The following TRPC4 variants were observed in gnomAD, a reference collection of about 807,000 sequenced individuals.
TRPC4 encodes transient receptor potential cation channel subfamily C member 4, also known as short transient receptor potential channel 4.
Under a neutral mutation model 99.4 loss-of-function variants are expected in TRPC4, and 49 were observed. The ratio of observed to expected loss-of-function variants is 0.49; its 90% confidence interval spans 0.39 to 0.63. The LOEUF is 0.63. TRPC4 is among the 20% of genes least tolerant of loss of function. TRPC4 has a pLI of 0.00. For synonymous variants in TRPC4, 454 were observed against 425.9 expected (o/e 1.07, Z -0.81); for missense variants, 898 against 1,152.9 (o/e 0.78, Z 3.20).
At chr13:37,767,653 C>G (rs181316586) in intron 2 of TRPC4, among the ~76,000 whole-genome samples, 3 of 151,258 alleles carry the variant, frequency 2.0e-5, no homozygotes, top group African/African-American at 7.3e-5. Context: ...TGGAAGTGAT[C>G]CAAATCAGAA....
At chr13:37,671,331 A>G (rs1952832486) in intron 5 of TRPC4, among the ~76,000 whole-genome samples, 1 of 152,218 alleles carries the variant, frequency 6.6e-6, no homozygotes, top group African/African-American at 2.4e-5. Context: ...TCAGAGTGAC[A>G]TCACAGGCCC....
At chr13:37,697,010 G>C (rs1242802238) in intron 3 of TRPC4, among the ~76,000 whole-genome samples, 1 of 150,220 alleles carries the variant, frequency 6.7e-6, no homozygotes, top group Non-Finnish European at 1.5e-5. Context: ...TCTGCTTCCT[G>C]GTGATACCTC....
At chr13:37,671,537 T>G (rs1370940018) in intron 5 of TRPC4, among the ~76,000 whole-genome samples, 1 of 150,896 alleles carries the variant, frequency 6.6e-6, no homozygotes, top group Admixed American at 6.6e-5. Flanking sequence ...GCAAGTCTAG[T>G]AGACTCATAG....
intron 8 of TRPC4, among the ~76,000 whole-genome samples, chr13:37,642,096 C>T (rs1403904965): frequency 2.0e-5 from 3 of 152,122 alleles, no homozygotes. Flanking sequence ...CGTTAGATGC[C>T]TTCAGCTTTG....
chr13:37,827,429 G>T (rs1321793880), intron 1 of TRPC4, among the ~76,000 whole-genome samples: 1 of 152,104 alleles, frequency 6.6e-6, no homozygotes, highest in Non-Finnish European at 1.5e-5. Context: ...TTTGATGATG[G>T]TGATGTACAG....
intron 1 of TRPC4, among the ~76,000 whole-genome samples, chr13:37,799,298 A>G (rs902013815): frequency 6.6e-6 from 1 of 152,168 alleles, no homozygotes; most frequent in Admixed American, 6.5e-5. Context: ...CTAGCAATGC[A>G]TGTAGAGCCC....
intron 1 of TRPC4, among the ~76,000 whole-genome samples, chr13:37,785,268 GT>G (rs1956939713): frequency 6.6e-6 from 1 of 151,992 alleles, no homozygotes; most frequent in Admixed American, 6.6e-5. Flanking sequence ...TGGAAAGGTG[GT>G]TGACACTCCC....
chr13:37,786,399 G>A (rs1164695254), intron 1 of TRPC4, among the ~76,000 whole-genome samples: 2 of 151,276 alleles, frequency 1.3e-5, no homozygotes, highest in African/African-American at 4.9e-5. Context: ...AGGGAGTAAG[G>A]AAGATCATAT....
rs888525729 is a variant in TRPC4, at chr13:37,658,938, GA to G, written c.1689-3656del. ...AAAGGTATATCTGAGGTAGGATTTG[GA>G]AAAAAAAATTGCCACATGGAAGGGC... On this transcript the variant is annotated intron_variant, in intron 6 of 10. Transcript: ENST00000379705. Among the ~76,000 whole-genome samples the G allele has an allele frequency of 5.9e-5, 9 of 151,470 alleles. No homozygotes were observed. The South Asian group carries it at 6.3e-4, about 11-fold the overall frequency.
chr13:37,802,400 G>A (rs1431694892), intron 1 of TRPC4, among the ~76,000 whole-genome samples: 3 of 151,936 alleles, frequency 2.0e-5, no homozygotes, highest in Non-Finnish European at 2.9e-5. Flanking sequence ...TGACAATGTC[G>A]GAGTTGTTCC....
chr13:37,634,622 G>C lies in TRPC4; in HGVS notation c.*2281C>G, dbSNP rs1054004844. Among the ~76,000 whole-genome samples the C allele has an allele frequency of 6.6e-6, 1 of 151,814 alleles. No homozygotes were observed. The highest frequency in any genetic ancestry group is 2.4e-5 in the African/African-American group (1 of 41,218). On this transcript the variant is annotated 3_prime_UTR_variant, in exon 11 of 11. Coordinates refer to ENST00000379705, the MANE Select transcript of TRPC4 (RefSeq NM_016179.4). ...TATTGGTGTTGCTTGACGGAACAGA[G>C]AGAATTTGAAATTAAATTCTGGTAA...
chr13:37,635,870 T>G lies in TRPC4; in HGVS notation c.*1033A>C, dbSNP rs1951501251. ...GATAAAATTAATAATGATTTTTGAG[T>G]GATTTAATTTTAAAGAAATATATAA... On this transcript the variant is annotated 3_prime_UTR_variant, in exon 11 of 11. Coordinates refer to ENST00000379705, the MANE Select transcript of TRPC4 (RefSeq NM_016179.4). Among the ~76,000 whole-genome samples, 2 of 152,082 alleles carry G rather than the reference T, an allele frequency of 1.3e-5. No individual in the cohort carries two copies. The highest frequency in any genetic ancestry group is 4.8e-5 in the African/African-American group (2 of 41,442).
chr13:37,801,451 C>T (rs1022998215), intron 1 of TRPC4, among the ~76,000 whole-genome samples: 2 of 152,006 alleles, frequency 1.3e-5, no homozygotes, highest in African/African-American at 4.8e-5. Flanking sequence ...GGTGTGAGGG[C>T]AGTCGCTTGC....
In TRPC4 at chr13:37,692,317, A is replaced by G. The variant is rs1953742687; in HGVS notation, c.916T>C (p.Cys306Arg). ...CAGCGAGATGCCAGCAGCTGTTGAC[A>G]ATTGGGCTGGGCAACAAACTAAACA... Reference protein sequence around the residue: ...RQKEFVAQPNCQQLLASRWYD... With the variant: ...RQKEFVAQPNRQQLLASRWYD... Residue 306 changes from cysteine to arginine, a missense_variant, in exon 4 of 11, where the codon TGT (cysteine) becomes CGT (arginine). Cys to Arg is a radical substitution (Grantham distance 180). Around this residue, in one of 3 missense-constraint regions of TRPC4, gnomAD observed 274 missense variants for 454.9 expected, o/e 0.60. Transcript: ENST00000379705. The G allele has an allele frequency of 6.2e-7, 1 of 1,613,474 alleles. No individual in the cohort carries two copies. Among genetic ancestry groups the G allele is most frequent in the African/African-American group, 1.3e-5 (1 of 74,906 alleles).
intron 1 of TRPC4, among the ~76,000 whole-genome samples, chr13:37,820,886 T>A (rs1957989822): frequency 6.6e-6 from 1 of 152,008 alleles, no homozygotes. Context: ...AAAACAAGGA[T>A]GTCCTCTCTC....
At chr13:37,814,890 GA>G (rs1241779027) in intron 1 of TRPC4, among the ~76,000 whole-genome samples, 5 of 151,716 alleles carry the variant, frequency 3.3e-5, no homozygotes, top group African/African-American at 9.6e-5. Flanking sequence ...TGATAAAACA[GA>G]AAAAAATTTG....
chr13:37,735,347 T>A (rs1208158011), intron 3 of TRPC4, among the ~76,000 whole-genome samples: 1 of 152,200 alleles, frequency 6.6e-6, no homozygotes, highest in Non-Finnish European at 1.5e-5. Context: ...ATTGGCTTTC[T>A]GTATTTTTCC....
intron 1 of TRPC4, among the ~76,000 whole-genome samples, chr13:37,857,686 A>T (rs1959185133): frequency 6.6e-6 from 1 of 151,710 alleles, no homozygotes. Context: ...CTTTTCAATA[A>T]TGATACTGGG....
chr13:37,645,311 A>C (rs9547994), intron 8 of TRPC4, among the ~76,000 whole-genome samples: 32,063 of 152,010 alleles, frequency 0.21, 3,692 homozygotes, highest in Non-Finnish European at 0.25. Flanking sequence ...TTTCAATAGA[A>C]GTTTCAGGTT....
Sources: allele counts gnomAD v4.1 joint callset (sites outside exome capture counted in the v4.1 genomes callset), GRCh38; gene constraint gnomAD v4.1.1; regional missense constraint gnomAD v4.1.1; transcripts MANE v1.5; gene names NCBI Gene and HGNC (gene_info 2026-07-23, HGNC 2026-07-21).